The following NRG1 variants were observed in gnomAD, a reference collection of about 807,000 sequenced individuals.
NRG1 encodes pro-neuregulin-1, membrane-bound isoform.
A neutral mutation model predicts 63.8 loss-of-function variants in NRG1; 18 were observed. That is an observed-to-expected ratio of 0.28 (90% CI 0.19 to 0.42). The LOEUF is 0.42. Ranked by LOEUF, NRG1 falls within the 10% of genes least tolerant of loss-of-function variation. The pLI is 1.00. For missense variants in NRG1, 762 were observed against 814.7 expected, an observed-to-expected ratio of 0.94 and a Z score of 0.79; for synonymous variants, 302 against 301.3, an observed-to-expected ratio of 1.00 and a Z score of -0.02.
chr8:31,976,662 G>GGTGTGTGTGTGT, intron 1 of NRG1, among the ~76,000 whole-genome samples: 1 of 150,586 alleles, frequency 6.6e-6, no homozygotes, highest in East Asian at 2.0e-4. Context: ...ATCTGCCATG[G>GGTGTGTGTGTGT]GTGTGTGTGT....
chr8:32,108,236 A>T (rs528727911), intron 1 of NRG1, among the ~76,000 whole-genome samples: 88 of 152,292 alleles, frequency 5.8e-4, no homozygotes, highest in African/African-American at 1.9e-3. Flanking sequence ...TTACTATTTT[A>T]GTCCATTTGT....
At position 32,466,274 on chromosome 8, in the gene NRG1, C is replaced by T. The variant is rs183259830; in HGVS notation, c.38-129554C>T. Among the ~76,000 whole-genome samples, 29 of 151,886 alleles carry T rather than the reference C, an allele frequency of 1.9e-4. No homozygotes were observed. The East Asian group carries it at 5.5e-3, about 29-fold the overall frequency. ...CCCAGGAGGTCAAGGCTGCAGTGAGCCATGTTTATACCCCTGCAATCCAGC... is the reference window on the plus strand; with the variant it reads ...CCCAGGAGGTCAAGGCTGCAGTGAGTCATGTTTATACCCCTGCAATCCAGC... On this transcript the variant is annotated intron_variant, in intron 1 of 10. Coordinates refer to the NRG1 transcript ENST00000519301.
chr8:31,891,039 C>G (rs1211875189), intron 1 of NRG1, among the ~76,000 whole-genome samples: 1 of 152,100 alleles, frequency 6.6e-6, no homozygotes, highest in Non-Finnish European at 1.5e-5. Context: ...AAATATGTAC[C>G]TATAAAACCT....
intron 1 of NRG1, among the ~76,000 whole-genome samples, chr8:32,501,646 A>T (rs1827864174): frequency 6.6e-6 from 1 of 152,250 alleles, no homozygotes; most frequent in Admixed American, 6.5e-5. Flanking sequence ...AACCAAAGTG[A>T]CAATAAAAGA....
intron 1 of NRG1, among the ~76,000 whole-genome samples, chr8:32,141,981 C>T (rs1025187554): frequency 3.9e-5 from 6 of 152,094 alleles, no homozygotes; most frequent in African/African-American, 1.2e-4. Flanking sequence ...AGCCTTTGGA[C>T]TCTGTTGCTA....
chr8:31,857,082 C>T (rs1252214450), intron 1 of NRG1, among the ~76,000 whole-genome samples: 1 of 152,134 alleles, frequency 6.6e-6, no homozygotes, highest in African/African-American at 2.4e-5. Context: ...CTGTGCCCTG[C>T]CCCCAGAGGT....
intron 1 of NRG1, among the ~76,000 whole-genome samples, chr8:32,398,817 T>C (rs1209107263): frequency 6.6e-6 from 1 of 152,212 alleles, no homozygotes; most frequent in Admixed American, 6.5e-5. Context: ...GTATCAATTA[T>C]CATTTTTGTT....
intron 1 of NRG1, among the ~76,000 whole-genome samples, chr8:32,364,262 A>C (rs1344381197): frequency 6.6e-6 from 1 of 152,014 alleles, no homozygotes; most frequent in Non-Finnish European, 1.5e-5. Flanking sequence ...CAACTTGCAC[A>C]AAAGGTACAA....
At chr8:32,025,970 A>G (rs996695427) in intron 1 of NRG1, among the ~76,000 whole-genome samples, 1 of 150,246 alleles carries the variant, frequency 6.7e-6, no homozygotes, top group Non-Finnish European at 1.5e-5. Context: ...AAAAGTGAAG[A>G]TATTGCCACA....
chr8:32,453,779 C>A (rs1327013044), intron 1 of NRG1, among the ~76,000 whole-genome samples: 2 of 152,154 alleles, frequency 1.3e-5, no homozygotes, highest in Non-Finnish European at 2.9e-5. Context: ...ACTGAAGAAA[C>A]CAGGTTCCTT....
At chr8:32,059,050 A>C (rs1356073565) in intron 1 of NRG1, among the ~76,000 whole-genome samples, 1 of 152,112 alleles carries the variant, frequency 6.6e-6, no homozygotes, top group African/African-American at 2.4e-5. Context: ...TTAGGTAAAA[A>C]GTATGTTAGG....
chr8:31,853,942 T>C (rs1023218862), intron 1 of NRG1, among the ~76,000 whole-genome samples: 1 of 151,016 alleles, frequency 6.6e-6, no homozygotes, highest in African/African-American at 2.4e-5. Context: ...TGAACCAGCC[T>C]TGCATCCCAG....
At chr8:32,163,719 G>T (rs968864210) in intron 1 of NRG1, among the ~76,000 whole-genome samples, 2 of 152,168 alleles carry the variant, frequency 1.3e-5, no homozygotes, top group Admixed American at 1.3e-4. Context: ...GCTCTGCCCA[G>T]GAAGAAAACA....
intron 1 of NRG1, among the ~76,000 whole-genome samples, chr8:31,849,183 ACAGG>A (rs1464439377): frequency 6.6e-6 from 1 of 152,174 alleles, no homozygotes; most frequent in Non-Finnish European, 1.5e-5. Flanking sequence ...CATTCATCCA[ACAGG>A]CATCTAAAGA....
intron 1 of NRG1, among the ~76,000 whole-genome samples, chr8:32,171,666 A>G (rs1840057295): frequency 6.6e-6 from 1 of 152,098 alleles, no homozygotes. Context: ...CACTTTTCCA[A>G]AGGTCTTAGC....
At chr8:32,043,119 T>A (rs1820362348) in intron 1 of NRG1, among the ~76,000 whole-genome samples, 1 of 151,444 alleles carries the variant, frequency 6.6e-6, no homozygotes, top group Non-Finnish European at 1.5e-5. Context: ...TAAACACAAA[T>A]AAATCCATGC....
intron 1 of NRG1, among the ~76,000 whole-genome samples, chr8:31,696,347 G>A (rs778049135): frequency 2.6e-5 from 4 of 152,202 alleles, no homozygotes; most frequent in South Asian, 2.1e-4. Flanking sequence ...GATTACAGGC[G>A]TGAGCCACAG....
Position 32,583,703 on chromosome 8 carries a change from C to T in NRG1, c.101-12125C>T, listed in dbSNP as rs546628107. 3.9e-5 allele frequency among the ~76,000 whole-genome samples: 6 copies of T among 152,282 alleles called. No individual in the cohort carries two copies. In the East Asian group the frequency reaches 1.2e-3, roughly 29 times the overall value. ...TAATGCAAATTTCACCATCAATGCC[C>T]TACCCTGGGCTCACCCAGAAGGCAT... On this transcript the variant is annotated intron_variant, in intron 1 of 11. Coordinates refer to ENST00000356819, the Ensembl canonical transcript of NRG1.
At chr8:31,982,740 C>T (rs1586247550) in intron 1 of NRG1, among the ~76,000 whole-genome samples, 1 of 151,998 alleles carries the variant, frequency 6.6e-6, no homozygotes, top group East Asian at 1.9e-4. Flanking sequence ...GAGGATGCTC[C>T]ACATCTCTCA....
Sources: allele counts gnomAD v4.1 joint callset (sites outside exome capture counted in the v4.1 genomes callset), GRCh38; gene constraint gnomAD v4.1.1; transcripts MANE v1.5; gene names NCBI Gene and HGNC (gene_info 2026-07-23, HGNC 2026-07-21).